The following SLC9A2 variants were observed in gnomAD, a reference collection of about 807,000 sequenced individuals.
SLC9A2 encodes sodium/hydrogen exchanger 2.
SLC9A2 carries 42 observed loss-of-function variants against 71.7 expected under a neutral mutation model. The observed-to-expected ratio is 0.59, with a 90% CI of 0.46 to 0.76. The LOEUF is 0.76. Ranked by LOEUF, SLC9A2 falls within the 30% of genes least tolerant of loss-of-function variation. SLC9A2 has a pLI of 0.00. For missense variants in SLC9A2, 829 were observed against 1,017.4 expected (o/e 0.81, Z 2.52); for synonymous variants, 396 against 392.5 (o/e 1.01, Z -0.10).
intron 7 of SLC9A2, among the ~76,000 whole-genome samples, chr2:102,695,778 TTATATATATATTATATATATATTATA>T (rs1677746091): frequency 4.1e-5 from 1 of 24,578 alleles, no homozygotes; most frequent in African/African-American, 1.2e-4. Flanking sequence ...ATAATATATA[TTATATATATATTATATATATATTATA>T]TATATATATA....
intron 1 of SLC9A2, among the ~76,000 whole-genome samples, chr2:102,646,768 A>ATATATATATATATAT (rs1676731084): frequency 5.3e-5 from 7 of 132,978 alleles, no homozygotes; most frequent in African/African-American, 2.2e-4. Context: ...AACGATCCTA[A>ATATATATATATATAT]ATATATATAT....
At chr2:102,632,944 C>T (rs568736157) in intron 1 of SLC9A2, among the ~76,000 whole-genome samples, 2 of 152,264 alleles carry the variant, frequency 1.3e-5, no homozygotes, top group East Asian at 3.9e-4. Context: ...GCTGCTTTTC[C>T]CAATTCCTGG....
chr2:102,671,988 C>T (rs1174852728), intron 3 of SLC9A2, among the ~76,000 whole-genome samples: 2 of 151,928 alleles, frequency 1.3e-5, no homozygotes, highest in East Asian at 3.9e-4. Flanking sequence ...TGGCTGTAAT[C>T]CCAGCTGCTA....
At chr2:102,671,355 A>T (rs750610988) in intron 3 of SLC9A2, among the ~76,000 whole-genome samples, 1 of 152,208 alleles carries the variant, frequency 6.6e-6, no homozygotes, top group Non-Finnish European at 1.5e-5. Flanking sequence ...AACATAAATA[A>T]GCCTGGGGTG....
rs1304391547 is a variant in SLC9A2 at position 102,695,778 on chromosome 2, TTATATATATATTATATATATATTA to T, written c.1586+677_1586+700del. ...AACGTGTATATATATATAATATATATTATATATATATTATATATATATTATATATATATATAATATATATATAAA... is the reference window on the plus strand; with the variant it reads ...AACGTGTATATATATATAATATATATTATATATATATAATATATATATAAA... On this transcript the variant is annotated intron_variant, in intron 7 of 11. Coordinates refer to ENST00000233969, the MANE Select transcript of SLC9A2 (RefSeq NM_003048.6). Among the ~76,000 whole-genome samples the T allele has an allele frequency of 6.1e-3, 149 of 24,558 alleles. 4 individuals carry two copies. Among genetic ancestry groups the T allele is most frequent in the East Asian group, 0.028 (7 of 250 alleles). The allele number at this position is 24,558 out of a possible 152,430, so 16.1% of individuals were successfully genotyped here. A position where few individuals can be genotyped will look rare whatever the true frequency, so the allele number is the denominator to read the frequency against.
At position 102,672,322 on chromosome 2, in the gene SLC9A2, A is replaced by C. The variant is rs115337001; in HGVS notation, c.1004+6972A>C. Among the ~76,000 whole-genome samples, 1,161 of 151,894 alleles carry C rather than the reference A, an allele frequency of 7.6e-3. 17 individuals carry two copies. Among genetic ancestry groups the C allele is most frequent in the African/African-American group, 0.026 (1,074 of 41,452 alleles). On this transcript the variant is annotated intron_variant, in intron 3 of 11. Transcript: ENST00000233969. ...TTCACTGTGAATAGTAGGAAACTGC[A>C]GATTACACATACAGCTCTGATGATT...
intron 10 of SLC9A2, among the ~76,000 whole-genome samples, chr2:102,705,089 C>A (rs1358892101): frequency 6.6e-6 from 1 of 151,850 alleles, no homozygotes; most frequent in African/African-American, 2.4e-5. Flanking sequence ...GCTTGTAATC[C>A]CAGCTTCTTG....
At chr2:102,678,843 G>C (rs982110056) in intron 3 of SLC9A2, among the ~76,000 whole-genome samples, 2 of 152,150 alleles carry the variant, frequency 1.3e-5, no homozygotes, top group East Asian at 1.9e-4. Flanking sequence ...CTGGCGGAGT[G>C]GGCAGAGATG....
intron 3 of SLC9A2, among the ~76,000 whole-genome samples, chr2:102,680,471 G>A (rs1348312295): frequency 6.6e-6 from 1 of 152,090 alleles, no homozygotes; most frequent in Non-Finnish European, 1.5e-5. Flanking sequence ...TTTCCAGGCT[G>A]TTCTCCCAGT....
At chr2:102,688,751 GA>G (rs1677603975) in intron 5 of SLC9A2, among the ~76,000 whole-genome samples, 1 of 152,058 alleles carries the variant, frequency 6.6e-6, no homozygotes, top group East Asian at 1.9e-4. Flanking sequence ...AACAAAAAAA[GA>G]AAGAAAACTT....
chr2:102,683,378 C>G lies in SLC9A2; in HGVS notation c.1122C>G (p.Ile374Met). The change falls in exon 4 of 12, where the codon ATC becomes ATG. Residue 374 changes from isoleucine to methionine, a missense_variant. Physicochemically the swap from Ile to Met is conservative, Grantham distance 10. Around this residue, in one of 3 missense-constraint regions of SLC9A2, gnomAD observed 500 missense variants for 726.3 expected, o/e 0.69. Coordinates refer to ENST00000233969, the MANE Select transcript of SLC9A2 (RefSeq NM_003048.6). ...TGAGCAGTGTCAGCGAAACCTTGAT[C>G]TTCATCTTCATGGGTGTGTCTACCG... ...KMLSSVSETLIFIFMGVSTVG... is the reference protein window; with the variant it reads ...KMLSSVSETLMFIFMGVSTVG... 1.2e-6 allele frequency: 2 copies of G among 1,614,158 alleles called. No individual in the cohort carries two copies. The highest frequency in any genetic ancestry group is 1.7e-6 in the Non-Finnish European group (2 of 1,180,002).
At chr2:102,651,561 G>A (rs1676836313) in intron 1 of SLC9A2, among the ~76,000 whole-genome samples, 1 of 152,152 alleles carries the variant, frequency 6.6e-6, no homozygotes, top group South Asian at 2.1e-4. Context: ...AGGCTTCCCT[G>A]AGCACATTGA....
intron 3 of SLC9A2, among the ~76,000 whole-genome samples, chr2:102,674,585 T>A (rs530120364): frequency 5.3e-5 from 8 of 152,376 alleles, no homozygotes; most frequent in Admixed American, 2.0e-4. Flanking sequence ...GTCCTCACAG[T>A]TAATCCCCCG....
chr2:102,677,149 T>G lies in SLC9A2; in HGVS notation c.1005-6112T>G, dbSNP rs142091474. Reference sequence around the variant, plus strand: ...AGCACACATTCTGGTAGAAAAGAAATAAATATCTATAGAAAGCAGGTTAAT... The same window carrying G: ...AGCACACATTCTGGTAGAAAAGAAAGAAATATCTATAGAAAGCAGGTTAAT... On this transcript the variant is annotated intron_variant, in intron 3 of 11. Transcript: ENST00000233969. Among the ~76,000 whole-genome samples the G allele has an allele frequency of 2.6e-5, 4 of 152,234 alleles. 1 individual carries two copies. The East Asian group carries it at 7.7e-4, about 29-fold the overall frequency.
chr2:102,636,433 T>TAC, intron 1 of SLC9A2, among the ~76,000 whole-genome samples: 1 of 152,216 alleles, frequency 6.6e-6, no homozygotes, highest in Non-Finnish European at 1.5e-5. Flanking sequence ...TACTGGCAAT[T>TAC]GTGGGTTCCT....
At chr2:102,634,883 C>T (rs1188197693) in intron 1 of SLC9A2, among the ~76,000 whole-genome samples, 2 of 152,058 alleles carry the variant, frequency 1.3e-5, no homozygotes, top group East Asian at 3.9e-4. Context: ...CTGAGACTCC[C>T]TATAAGAGTA....
chr2:102,708,471 T>C lies in SLC9A2; in HGVS notation c.2421T>C (p.Phe807=). Residue 807 remains phenylalanine, a synonymous_variant, in exon 12 of 12, where the codon TTT becomes TTC. Transcript: ENST00000233969. Reference sequence around the variant, plus strand: ...AACCTGGAAGCCGGAAAGCCCGATTTGGGAGTGAGAAGCCTTAAGAGAAGC... The same window carrying C: ...AACCTGGAAGCCGGAAAGCCCGATTCGGGAGTGAGAAGCCTTAAGAGAAGC... ...ASEPGSRKAR[F]GSEKP 1 of 1,614,050 alleles carries C rather than the reference T, an allele frequency of 6.2e-7. No individual in the cohort carries two copies. Among genetic ancestry groups the C allele is most frequent in the Non-Finnish European group, 8.5e-7 (1 of 1,179,972 alleles).
chr2:102,667,051 C>T (rs915549128), intron 3 of SLC9A2, among the ~76,000 whole-genome samples: 1 of 152,114 alleles, frequency 6.6e-6, no homozygotes, highest in Non-Finnish European at 1.5e-5. Flanking sequence ...TCGAAGACCC[C>T]CTACACAAAG....
chr2:102,690,258 C>T (rs1251816937), intron 5 of SLC9A2, among the ~76,000 whole-genome samples: 1 of 152,118 alleles, frequency 6.6e-6, no homozygotes, highest in East Asian at 1.9e-4. Flanking sequence ...ACAAATACAG[C>T]TGCAAGGTCA....
Sources: gnomAD v4.1 joint callset for allele counts (sites outside exome capture counted in the v4.1 genomes callset) on GRCh38, gnomAD v4.1.1 for gene constraint, gnomAD v4.1.1 regional missense constraint, MANE v1.5 for transcripts, NCBI Gene and HGNC (gene_info 2026-07-23, HGNC 2026-07-21) for gene names.